Variants in MAST4 observed in about 807,000 individuals in gnomAD.
MAST4 encodes microtubule associated serine/threonine kinase family member 4.
Under a neutral mutation model 162.7 loss-of-function variants are expected in MAST4, and 89 were observed. The ratio of observed to expected loss-of-function variants is 0.55; its 90% CI spans 0.46 to 0.65. MAST4 has a LOEUF of 0.65. Among genes scored for constraint, MAST4 ranks in the 30% least tolerant of loss-of-function variants. The probability of loss-of-function intolerance (pLI) is 0.00; values close to 1 mark genes in which losing one functional copy is unlikely to be tolerated. For synonymous variants in MAST4, 1,479 were observed against 1,361.1 expected (o/e 1.09, Z -1.91); for missense variants, 3,153 against 3,374.0 (o/e 0.93, Z 1.62).
intron 5 of MAST4, among the ~76,000 whole-genome samples, chr5:67,057,489 AAG>A (rs1013370738): frequency 6.6e-6 from 1 of 151,942 alleles, no homozygotes; most frequent in African/African-American, 2.4e-5. Flanking sequence ...TCTGGGGAGA[AAG>A]AGATATTGGC....
chr5:67,166,165 T>G lies in MAST4; in HGVS notation c.6986T>G (p.Leu2329Arg), dbSNP rs1773923928. Residue 2329 changes from leucine to arginine, a missense_variant, in exon 29 of 29, where the codon CTG becomes CGG. Physicochemically the swap from Leu to Arg is moderately radical, Grantham distance 102. Coordinates refer to ENST00000403625, the MANE Select transcript of MAST4 (RefSeq NM_001164664.2). ...TCCGCTGTTGGTGAAAAGCAAACCC[T>G]GTCTCCAAAGCACCCCAAACCATCC... ...KLSAVGEKQTLSPKHPKPSTV... is the reference protein window; with the variant it reads ...KLSAVGEKQTRSPKHPKPSTV... The G allele has an allele frequency of 6.4e-7, 1 of 1,561,784 alleles. No individual in the cohort carries two copies. Among genetic ancestry groups the G allele is most frequent in the South Asian group, 1.2e-5 (1 of 85,164 alleles).
At chr5:66,767,518 T>C (rs764319144) in intron 2 of MAST4, among the ~76,000 whole-genome samples, 1 of 151,988 alleles carries the variant, frequency 6.6e-6, no homozygotes, top group Non-Finnish European at 1.5e-5. Flanking sequence ...GAAAGTCTCA[T>C]TGGATGGGAC....
intron 4 of MAST4, among the ~76,000 whole-genome samples, chr5:67,013,730 G>A (rs752449884): frequency 5.3e-5 from 8 of 151,964 alleles, no homozygotes; most frequent in Non-Finnish European, 1.0e-4. Context: ...ATTTAAATTG[G>A]GAATTATAAT....
intron 1 of MAST4, among the ~76,000 whole-genome samples, chr5:66,742,781 G>T (rs1219505335): frequency 6.6e-6 from 1 of 152,116 alleles, no homozygotes; most frequent in Admixed American, 6.6e-5. Context: ...GAGGTGTCAG[G>T]CCTGTTTGGA....
At chr5:67,065,003 G>T (rs1417720684) in intron 5 of MAST4, among the ~76,000 whole-genome samples, 1 of 152,064 alleles carries the variant, frequency 6.6e-6, no homozygotes, top group African/African-American at 2.4e-5. Context: ...TTTAAATCTG[G>T]TGCAGCATAT....
intron 5 of MAST4, among the ~76,000 whole-genome samples, chr5:67,060,475 ATT>A (rs71610552): frequency 2.9e-4 from 35 of 120,578 alleles, no homozygotes; most frequent in South Asian, 1.9e-3. Context: ...GAGTATCACA[ATT>A]TTTTTTTTTT....
intron 1 of MAST4, among the ~76,000 whole-genome samples, chr5:66,750,928 C>G (rs1316346852): frequency 6.6e-6 from 1 of 152,192 alleles, no homozygotes; most frequent in Admixed American, 6.5e-5. Context: ...AGTGGTTCTC[C>G]CAGCATGCAG....
intron 4 of MAST4, among the ~76,000 whole-genome samples, chr5:66,999,415 T>C (rs1751032165): frequency 1.3e-5 from 2 of 152,352 alleles, no homozygotes; most frequent in African/African-American, 4.8e-5. Flanking sequence ...CTCACTGCCT[T>C]GGGAGATAAG....
intron 1 of MAST4, among the ~76,000 whole-genome samples, chr5:66,601,387 G>A (rs1742542087): frequency 6.6e-6 from 1 of 152,202 alleles, no homozygotes; most frequent in African/African-American, 2.4e-5. Flanking sequence ...TGACCCCAGG[G>A]AGCTTCAACT....
intron 4 of MAST4, among the ~76,000 whole-genome samples, chr5:66,945,944 A>G (rs946830892): frequency 6.6e-6 from 1 of 152,164 alleles, no homozygotes; most frequent in African/African-American, 2.4e-5. Context: ...GATGGCTTAT[A>G]AGGTTTATTT....
intron 3 of MAST4, among the ~76,000 whole-genome samples, chr5:66,821,960 T>C (rs1757017264): frequency 6.6e-6 from 1 of 152,166 alleles, no homozygotes; most frequent in Admixed American, 6.5e-5. Flanking sequence ...GTGAGGGGCA[T>C]GGGCTGCCCT....
In MAST4 at chr5:67,165,986, T is replaced by TGGGCC; in HGVS notation, c.6808_6812dup (p.Ser2272GlyfsTer13). 6.2e-7 allele frequency: 1 copy of TGGGCC among 1,613,314 alleles called. No individual in the cohort carries two copies. The highest frequency in any genetic ancestry group is 8.5e-7 in the Non-Finnish European group (1 of 1,179,772). ...GCGATGGGATTGGCCAGGGAGAAGG[T>TGGGCC]GGGCCCTCTGTCCCACTGCACACTG... On this transcript the variant is annotated frameshift_variant, in exon 29 of 29. Coordinates refer to ENST00000403625, the MANE Select transcript of MAST4 (RefSeq NM_001164664.2). LOFTEE classifies it low-confidence loss of function (END_TRUNC).
intron 4 of MAST4, among the ~76,000 whole-genome samples, chr5:67,049,000 TACACACAC>T (rs1554087344): frequency 2.4e-5 from 3 of 124,750 alleles, no homozygotes; most frequent in African/African-American, 9.5e-5. Context: ...TATATATATA[TACACACAC>T]ATATATATAT....
intron 4 of MAST4, among the ~76,000 whole-genome samples, chr5:67,011,430 C>G (rs1486302534): frequency 6.6e-6 from 1 of 152,218 alleles, no homozygotes; most frequent in African/African-American, 2.4e-5. Flanking sequence ...TTGACTGTGT[C>G]TTCTGCAGGC....
intron 1 of MAST4, among the ~76,000 whole-genome samples, chr5:66,646,968 G>T (rs1200850619): frequency 6.6e-6 from 1 of 152,166 alleles, no homozygotes; most frequent in Non-Finnish European, 1.5e-5. Flanking sequence ...TTAGCTGTTT[G>T]TCTAAGTCAT....
chr5:66,684,832 G>A (rs556294863), intron 1 of MAST4, among the ~76,000 whole-genome samples: 1 of 152,288 alleles, frequency 6.6e-6, no homozygotes, highest in African/African-American at 2.4e-5. Context: ...AGCAGTTGAT[G>A]GTTATTGAGT....
At chr5:66,720,165 A>G (rs1364541476) in intron 1 of MAST4, among the ~76,000 whole-genome samples, 1 of 86,744 alleles carries the variant, frequency 1.2e-5, no homozygotes, top group Admixed American at 1.3e-4. Context: ...TTTTTTTATC[A>G]GGAATGATAA....
At chr5:66,779,305 G>C (rs1754742979) in intron 2 of MAST4, among the ~76,000 whole-genome samples, 1 of 150,474 alleles carries the variant, frequency 6.6e-6, no homozygotes, top group Non-Finnish European at 1.5e-5. Context: ...GTCAGTTGGA[G>C]ATCATTGGTC....
chr5:66,987,919 G>T (rs137992555), intron 4 of MAST4, among the ~76,000 whole-genome samples: 5 of 152,160 alleles, frequency 3.3e-5, no homozygotes, highest in Non-Finnish European at 7.4e-5. Context: ...ACGTGGTTGC[G>T]TTTAATTAAA....
Sources: allele counts gnomAD v4.1 joint callset (sites outside exome capture counted in the v4.1 genomes callset), GRCh38; gene constraint gnomAD v4.1.1; transcripts MANE v1.5; gene names NCBI Gene and HGNC (gene_info 2026-07-23, HGNC 2026-07-21).